Variants in MAEA observed in about 807,000 individuals in gnomAD.
MAEA encodes the protein E3 ubiquitin-protein transferase MAEA.
Under a neutral mutation model 46.2 loss-of-function variants are expected in MAEA, and 22 were observed. The ratio of observed to expected loss-of-function variants is 0.48; its 90% CI spans 0.34 to 0.68. MAEA has a LOEUF of 0.68. MAEA is among the 30% of genes least tolerant of loss of function. The probability of loss-of-function intolerance (pLI) is 0.01; values close to 1 mark genes in which losing one functional copy is unlikely to be tolerated. For missense variants in MAEA, 393 were observed against 558.1 expected (o/e 0.70, Z 2.98); for synonymous variants, 246 against 222.6 (o/e 1.11, Z -0.94).
intron 3 of MAEA, among the ~76,000 whole-genome samples, chr4:1,317,111 C>T (rs1409518377): frequency 7.9e-6 from 1 of 126,906 alleles, no homozygotes; most frequent in Non-Finnish European, 1.7e-5. Flanking sequence ...CCTGCAGGCC[C>T]ACCCGGTCCC....
rs1738232100 is a variant in MAEA, at chr4:1,322,312, G to GGTGT, written c.457-67_457-64dup. The GGTGT allele has an allele frequency of 4.4e-6, 7 of 1,590,042 alleles. No homozygotes were observed. In the South Asian group the frequency reaches 8.0e-5, roughly 18 times the overall value. On this transcript the variant is annotated intron_variant, in intron 3 of 8. Coordinates refer to ENST00000303400, the MANE Select transcript of MAEA (RefSeq NM_001017405.3). ...GCTGGGCCTGCCTCATGGAGGCTGG[G>GGTGT]GTGTGGGAGGGTGGCATGGGGGCCT...
chr4:1,309,520 G>T (rs922784632), intron 1 of MAEA: 1 of 1,359,708 alleles, frequency 7.4e-7, no homozygotes, highest in East Asian at 2.7e-5. Context: ...GGAGGGAGAG[G>T]GGGTGCTGCG....
intron 1 of MAEA, among the ~76,000 whole-genome samples, chr4:1,309,113 C>G (rs1192485537): frequency 2.6e-5 from 4 of 152,160 alleles, no homozygotes; most frequent in Non-Finnish European, 4.4e-5. Context: ...TTGTGTCTTA[C>G]ATTGTCTTTG....
chr4:1,310,420 A>G (rs756647730), intron 1 of MAEA, among the ~76,000 whole-genome samples: 2 of 152,172 alleles, frequency 1.3e-5, no homozygotes, highest in Non-Finnish European at 2.9e-5. Context: ...GGCAGTGTGG[A>G]TGATGGGACC....
chr4:1,327,594 C>A (rs552822558), intron 4 of MAEA, 33 bp from the exon 5 acceptor site: 3 of 1,551,628 alleles, frequency 1.9e-6, no homozygotes, highest in South Asian at 2.2e-5. Flanking sequence ...GTGGGATGTG[C>A]TGTCTAAGCC....
At chr4:1,314,548 C>T (rs565557448) in intron 2 of MAEA, among the ~76,000 whole-genome samples, 16 of 152,242 alleles carry the variant, frequency 1.1e-4, no homozygotes, top group Admixed American at 5.9e-4. Flanking sequence ...AAACCTGTGG[C>T]ATGTTTCACC....
At chr4:1,292,744 A>C (rs1734222533) in intron 1 of MAEA, among the ~76,000 whole-genome samples, 1 of 152,048 alleles carries the variant, frequency 6.6e-6, no homozygotes, top group Non-Finnish European at 1.5e-5. Flanking sequence ...CCTCTTACCA[A>C]ACGGAGGTGT....
At position 1,311,225 on chromosome 4, in the gene MAEA, G is replaced by A. The variant is rs188924381; in HGVS notation, c.70-754G>A. Among the ~76,000 whole-genome samples, 554 of 152,360 alleles carry A rather than the reference G, an allele frequency of 3.6e-3. 3 individuals carry two copies. Among genetic ancestry groups the A allele is most frequent in the African/African-American group, 0.012 (499 of 41,580 alleles). Reference sequence around the variant, plus strand: ...GCCGGCCACCAGTGCAGCCAGGACCGCAGGTGGTGTTTCCTGCGGGAGCCC... The same window carrying A: ...GCCGGCCACCAGTGCAGCCAGGACCACAGGTGGTGTTTCCTGCGGGAGCCC... On this transcript the variant is annotated intron_variant, in intron 1 of 8. Coordinates refer to ENST00000303400, the MANE Select transcript of MAEA (RefSeq NM_001017405.3). The surrounding 1 kb of genome is among the most constrained non-coding windows in gnomAD (Gnocchi z 4.4).
At chr4:1,317,441 C>G (rs374333890) in intron 3 of MAEA, among the ~76,000 whole-genome samples, 6 of 151,784 alleles carry the variant, frequency 4.0e-5, no homozygotes, top group Non-Finnish European at 7.4e-5. Flanking sequence ...CTCTTGTCCT[C>G]GGCATTTGTC....
At chr4:1,309,719 C>T in intron 1 of MAEA, 3 of 1,520,934 alleles carry the variant, frequency 2.0e-6, no homozygotes, top group Non-Finnish European at 2.6e-6. Flanking sequence ...CCCGGTGAGC[C>T]CCTCCCCGGC....
At position 1,339,384 on chromosome 4, in the gene MAEA, C is replaced by G. The variant is rs929234418; in HGVS notation, c.*215C>G. The stretch of plus-strand genomic sequence containing the variant: ...GGATTGGTAGGATTTTGTAACACGT[C>G]AACCATTTGATGCTTCTGAAAAGTA... On this transcript the variant is annotated 3_prime_UTR_variant, in exon 9 of 9. Coordinates refer to ENST00000303400, the MANE Select transcript of MAEA (RefSeq NM_001017405.3). The G allele has an allele frequency of 1.2e-5, 7 of 566,660 alleles. 1 individual carries two copies. Among genetic ancestry groups the G allele is most frequent in the Admixed American group, 6.7e-5 (2 of 30,042 alleles). The allele number at this position is 566,660 out of a possible 1,614,324, so 35.1% of individuals were successfully genotyped here.
rs557145016 is a variant in MAEA at position 1,302,142 on chromosome 4, T to G, written c.70-9837T>G. Reference sequence around the variant, plus strand: ...TAAGAAAATCTAAGAAAACAAAATATAGAAAGGATTATGTGTCAGGACTAA... The same window carrying G: ...TAAGAAAATCTAAGAAAACAAAATAGAGAAAGGATTATGTGTCAGGACTAA... On this transcript the variant is annotated intron_variant, in intron 1 of 8. Transcript: ENST00000303400. 4.6e-4 allele frequency among the ~76,000 whole-genome samples: 70 copies of G among 152,248 alleles called. 1 individual carries two copies. The South Asian group carries it at 5.0e-3, about 11-fold the overall frequency.
intron 4 of MAEA, chr4:1,323,728 T>C (rs977450676): frequency 9.1e-6 from 6 of 661,960 alleles, no homozygotes; most frequent in Non-Finnish European, 1.7e-5. Context: ...AGAGGGAAGA[T>C]AGGTTCTTGG....
rs1736530229 is a variant in MAEA at position 1,311,734 on chromosome 4, T to A, written c.70-245T>A. Among the ~76,000 whole-genome samples, 1 of 152,234 alleles carries A rather than the reference T, an allele frequency of 6.6e-6. No individual in the cohort carries two copies. Among genetic ancestry groups the A allele is most frequent in the Non-Finnish European group, 1.5e-5 (1 of 68,036 alleles). On this transcript the variant is annotated intron_variant, in intron 1 of 8. Transcript: ENST00000303400. The surrounding 1 kb of genome is among the most constrained non-coding windows in gnomAD (Gnocchi z 4.4). ...GAACTTTGGGATTATTTTGTCAACA[T>A]ACACGTACAATGTTTTTGGCAAAAA...
chr4:1,294,887 A>C (rs1181545416), intron 1 of MAEA, among the ~76,000 whole-genome samples: 2 of 151,708 alleles, frequency 1.3e-5, no homozygotes, highest in Admixed American at 1.3e-4. Flanking sequence ...TGGTTGGCGG[A>C]GCTAAGTTTT....
intron 2 of MAEA, 197 bp downstream of exon 2, chr4:1,312,358 G>A (rs1193898909): frequency 1.7e-6 from 1 of 595,888 alleles, no homozygotes; most frequent in East Asian, 2.9e-5. Context: ...GGACCGTGTT[G>A]TCTTGCTCCA....
intron 3 of MAEA, among the ~76,000 whole-genome samples, chr4:1,316,159 C>G (rs1236249644): frequency 3.3e-5 from 5 of 152,154 alleles, no homozygotes; most frequent in Admixed American, 3.3e-4. Flanking sequence ...TTGCCTTTAT[C>G]TCAGGCGGGG....
Position 1,310,597 on chromosome 4 carries a change from G to A in MAEA, c.70-1382G>A, listed in dbSNP as rs73793330. 3.1e-3 allele frequency among the ~76,000 whole-genome samples: 472 copies of A among 152,360 alleles called. 7 individuals are homozygous for A. The highest frequency in any genetic ancestry group is 0.011 in the African/African-American group (458 of 41,582). ...CCTGACTCATTTGCTCACCAGCAAG[G>A]GTGAGTCCTGCTCGGTAGCAGACGG... On this transcript the variant is annotated intron_variant, in intron 1 of 8. Coordinates refer to ENST00000303400, the MANE Select transcript of MAEA (RefSeq NM_001017405.3).
chr4:1,298,736 C>T (rs1735030060), intron 1 of MAEA, among the ~76,000 whole-genome samples: 1 of 152,158 alleles, frequency 6.6e-6, no homozygotes, highest in Non-Finnish European at 1.5e-5. Context: ...TTGGTGCTCT[C>T]ACAGGGTCTA....
Sources: gnomAD v4.1 joint callset for allele counts (sites outside exome capture counted in the v4.1 genomes callset) on GRCh38, gnomAD v4.1.1 for gene constraint, Gnocchi (gnomAD v3.1) non-coding constraint, MANE v1.5 for transcripts, NCBI Gene and HGNC (gene_info 2026-07-23, HGNC 2026-07-21) for gene names.